Variants in POLRMT observed in about 807,000 individuals in gnomAD.
POLRMT encodes the protein RNA polymerase mitochondrial, also known as DNA-directed RNA polymerase, mitochondrial.
POLRMT carries 114 observed loss-of-function variants against 132.2 expected under a neutral mutation model. The observed-to-expected ratio is 0.86, with a 90% CI of 0.74 to 1.01. The LOEUF is 1.01. Ranked by LOEUF, POLRMT falls within the 50% of genes least tolerant of loss-of-function variation. The pLI is 0.00. For synonymous variants in POLRMT, 1,020 were observed against 773.4 expected (o/e 1.32, Z -5.29); for missense variants, 2,003 against 1,729.1 (o/e 1.16, Z -2.81).
intron 1 of POLRMT, 124 bp downstream of exon 1, chr19:633,301 G>A (rs1175483896): frequency 8.3e-7 from 1 of 1,209,674 alleles, no homozygotes. Context: ...AGCGGGGCCG[G>A]GTCGGTGGGC....
intron 17 of POLRMT, 134 bp downstream of exon 17, chr19:618,353 AG>A: frequency 1.4e-6 from 1 of 691,664 alleles, no homozygotes. Flanking sequence ...GCCTCTACAC[AG>A]GCCCCACAGA....
At chr19:627,107 G>A (rs1465660206) in intron 3 of POLRMT, among the ~76,000 whole-genome samples, 3 of 151,042 alleles carry the variant, frequency 2.0e-5, no homozygotes, top group African/African-American at 7.3e-5. Flanking sequence ...TGTGACATGA[G>A]GTGGCCACAC....
Position 622,208 on chromosome 19 carries a change from G to A in POLRMT, c.1792C>T (p.Arg598Cys). 1.3e-6 allele frequency: 2 copies of A among 1,573,102 alleles called. No individual in the cohort carries two copies. The highest frequency in any genetic ancestry group is 1.8e-5 in the Admixed American group (1 of 54,614). Residue 598 changes from arginine (R) to cysteine (C), a missense_variant, in exon 9 of 21, where the codon CGT (arginine) becomes TGT (cysteine). Coordinates refer to ENST00000588649, the MANE Select transcript of POLRMT (RefSeq NM_005035.4). Reference protein sequence around the residue: ...QMPCSLDKPHRSSRLVPVLYH... With the variant: ...QMPCSLDKPHCSSRLVPVLYH... Reference sequence around the variant, plus strand: ...AGCACGGGGACAAGCCGAGAGGAACGATGCGGCTTGTCCAGGCTGCATGGC... The same window carrying A: ...AGCACGGGGACAAGCCGAGAGGAACAATGCGGCTTGTCCAGGCTGCATGGC...
chr19:620,907 GAGGAGGAAGACGGGCAGGGGGCGCCA>G, intron 10 of POLRMT, 125 bp downstream of exon 10: 1 of 136,072 alleles, frequency 7.3e-6, no homozygotes, highest in South Asian at 1.7e-4. Flanking sequence ...AGGGGGAGGG[GAGGAGGAAGACGGGCAGGGGGCGCCA>G]GGGGAGGGGG....
rs372308290 is a variant in POLRMT at position 618,780 on chromosome 19, G to C, written c.3268-20C>G. On this transcript the variant is annotated intron_variant, in intron 15 of 20. Coordinates refer to ENST00000588649, the MANE Select transcript of POLRMT (RefSeq NM_005035.4). ...TATTTGCTAAAAAGGGGAAGGGGCC[G>C]GTGAGTCCCACCCGAGGCCCAGCAC... is the stretch of plus-strand genomic sequence containing the variant. 1.3e-6 allele frequency: 2 copies of C among 1,582,702 alleles called. No individual in the cohort carries two copies. Among genetic ancestry groups the C allele is most frequent in the Admixed American group, 1.8e-5 (1 of 55,796 alleles).
Position 619,781 on chromosome 19 carries a change from G to C in POLRMT, c.2887-16C>G. ...ACACCTCCACCTGCACGGCGGGTGG[G>C]CCGGGGGCGCGGGTCAGCCCCGCTA... On this transcript the variant is annotated splice_polypyrimidine_tract_variant and intron_variant, in intron 12 of 20. Transcript: ENST00000588649. The C allele has an allele frequency of 2.6e-6, 4 of 1,554,262 alleles. No homozygotes were observed. The highest frequency in any genetic ancestry group is 3.5e-6 in the Non-Finnish European group (4 of 1,150,190).
chr19:620,491 C>T lies in POLRMT; in HGVS notation c.2641-4G>A, dbSNP rs747172739. ...CGCCCATCCACCACTTTCGGCCCTGCGGGGACAGCGGATGGGGGGCAGTGA... is the reference window on the plus strand; with the variant it reads ...CGCCCATCCACCACTTTCGGCCCTGTGGGGACAGCGGATGGGGGGCAGTGA... On this transcript the variant is annotated splice_polypyrimidine_tract_variant and splice_region_variant and intron_variant, in intron 10 of 20. Transcript: ENST00000588649. 3.4e-5 allele frequency: 54 copies of T among 1,572,346 alleles called. No individual in the cohort carries two copies. In the African/African-American group the frequency reaches 6.1e-4, roughly 18 times the overall value.
chr19:617,441 T>G lies in POLRMT; in HGVS notation c.3621A>C (p.Thr1207=), dbSNP rs1262808707. ...KILEASQLKE[T]LQAVPKPGAF... Reference sequence around the variant, plus strand: ...TACCTGGCTTGGGCACCGCCTGCAGTGTCTCCTTCAGCTGGCTGGCCTCCA... The same window carrying G: ...TACCTGGCTTGGGCACCGCCTGCAGGGTCTCCTTCAGCTGGCTGGCCTCCA... The change falls in exon 20 of 21, where the codon ACA becomes ACC. Residue 1207 remains threonine (T), a synonymous_variant. Transcript: ENST00000588649. 6.2e-7 allele frequency: 1 copy of G among 1,611,138 alleles called. No homozygotes were observed. Among genetic ancestry groups the G allele is most frequent in the Admixed American group, 1.7e-5 (1 of 59,952 alleles).
intron 17 of POLRMT, chr19:618,054 C>T: frequency 1.7e-6 from 1 of 590,860 alleles, no homozygotes; most frequent in African/African-American, 1.9e-5. Context: ...TCCCAGAAGC[C>T]TCCTCGCCCC....
In POLRMT at chr19:618,760, G is replaced by C; in HGVS notation, c.3268C>G (p.Gln1090Glu). The change falls in exon 16 of 21, where the codon CAA (glutamine) becomes GAA (glutamate). Residue 1090 changes from glutamine to glutamate, a missense_variant and splice_region_variant. Transcript: ENST00000588649. ...QPYRLDSKVK[Q>E]IGGGIQSITY... ...ATGCTCTGAATTCCACCTCCTATTT[G>C]CTAAAAAGGGGAAGGGGCCGGTGAG... is the stretch of plus-strand genomic sequence containing the variant. 1.3e-6 allele frequency: 2 copies of C among 1,598,930 alleles called. No homozygotes were observed. Among genetic ancestry groups the C allele is most frequent in the Non-Finnish European group, 1.7e-6 (2 of 1,173,564 alleles).
intron 2 of POLRMT, among the ~76,000 whole-genome samples, 164 bp downstream of exon 2, chr19:632,670 A>G (rs1323588561): frequency 1.3e-5 from 2 of 152,204 alleles, no homozygotes; most frequent in African/African-American, 4.8e-5. Context: ...GACAGGGCCC[A>G]TGAGCGGTGC....
Position 621,016 on chromosome 19 carries a change from G to C in POLRMT, c.2640+42C>G, listed in dbSNP as rs746124373. 14 of 1,040,932 alleles carry C rather than the reference G, an allele frequency of 1.3e-5. 1 individual carries two copies. In the Admixed American group the frequency reaches 2.4e-4, roughly 18 times the overall value. The allele number at this position is 1,040,932 out of a possible 1,614,324, so 64.5% of individuals were successfully genotyped here. A position where few individuals can be genotyped will look rare whatever the true frequency, so the allele number is the denominator to read the frequency against. ...CGCGGGGGCGCCGGGGGAGGGCGCG[G>C]GGGTGCCGGGAGGGCGGGGAATGCG... On this transcript the variant is annotated intron_variant, in intron 10 of 20. Transcript: ENST00000588649.
chr19:619,915 GC>G, intron 12 of POLRMT, 42 bp downstream of exon 12: 1 of 1,598,086 alleles, frequency 6.3e-7, no homozygotes. Flanking sequence ...GGCTCACATT[GC>G]CCCCACGCCG....
At chr19:630,378 G>A (rs958600239) in intron 2 of POLRMT, among the ~76,000 whole-genome samples, 9 of 152,146 alleles carry the variant, frequency 5.9e-5, no homozygotes, top group Admixed American at 2.0e-4. Flanking sequence ...CTCCCCACCC[G>A]AGCCTCACAG....
intron 4 of POLRMT, 107 bp downstream of exon 4, chr19:625,017 T>A: frequency 6.6e-7 from 1 of 1,516,504 alleles, no homozygotes; most frequent in Non-Finnish European, 8.9e-7. Flanking sequence ...TCGGTGTGGC[T>A]GTCAGGCCCT....
chr19:617,245 A>C lies in POLRMT; in HGVS notation c.*29T>G, dbSNP rs761802117. The C allele has an allele frequency of 6.2e-7, 1 of 1,611,718 alleles. No homozygotes were observed. The highest frequency in any genetic ancestry group is 8.5e-7 in the Non-Finnish European group (1 of 1,179,386). On this transcript the variant is annotated 3_prime_UTR_variant, in exon 21 of 21. Transcript: ENST00000588649. ...CTCCTGGGGGTGGCAAAAGAGCTTT[A>C]TTTACACACTGACAAGGCTCACGGG... is the stretch of plus-strand genomic sequence containing the variant.
intron 3 of POLRMT, among the ~76,000 whole-genome samples, chr19:626,884 T>TACACACACACAC (rs1290099212): frequency 1.0e-5 from 1 of 95,294 alleles, no homozygotes; most frequent in South Asian, 4.8e-4. Flanking sequence ...TGTCTTAAAA[T>TACACACACACAC]ATACACACAC....
At position 621,801 on chromosome 19, in the gene POLRMT, T is replaced by C. The variant is rs763888909; in HGVS notation, c.1897A>G (p.Lys633Glu). ...PHPAYVQLLE[K>E]AAEPTLTFEA... is the part of the protein sequence containing the mutation. ...AAGGTCAGCGTGGGCTCCGCGGCCT[T>C]CTCCAGCAGCTGCACGTAGGCCGGG... The change falls in exon 10 of 21, where the codon AAG becomes GAG. Residue 633 changes from lysine (K) to glutamate (E), a missense_variant. By Grantham distance (56) the Lys-to-Glu change is moderately conservative. Coordinates refer to ENST00000588649, the MANE Select transcript of POLRMT (RefSeq NM_005035.4). 16 of 1,602,516 alleles carry C rather than the reference T, an allele frequency of 1.0e-5. No individual in the cohort carries two copies. Among genetic ancestry groups the C allele is most frequent in the Non-Finnish European group, 1.4e-5 (16 of 1,179,830 alleles).
chr19:632,547 T>TC (rs1985500544), intron 2 of POLRMT, among the ~76,000 whole-genome samples: 1 of 135,788 alleles, frequency 7.4e-6, no homozygotes, highest in African/African-American at 2.8e-5. Flanking sequence ...GGGGGGGGGG[T>TC]CTCTCCAGAC....
Sources: gnomAD v4.1 joint callset for allele counts (sites outside exome capture counted in the v4.1 genomes callset) on GRCh38, gnomAD v4.1.1 for gene constraint, MANE v1.5 for transcripts, NCBI Gene and HGNC (gene_info 2026-07-23, HGNC 2026-07-21) for gene names.